The following FAM163A variants were observed in gnomAD, a reference collection of about 807,000 sequenced individuals.
FAM163A encodes the protein family with sequence similarity 163 member A.
In FAM163A, 7 loss-of-function variants were observed where a neutral mutation model predicts 12.0. That is an observed-to-expected ratio of 0.58 (90% CI 0.33 to 1.10). FAM163A has a LOEUF of 1.10. FAM163A is among the 50% of genes least tolerant of loss of function. The pLI, the probability that FAM163A is intolerant of heterozygous loss-of-function variation, is 0.03. For synonymous variants in FAM163A, 101 were observed against 91.0 expected (o/e 1.11, Z -0.62); for missense variants, 202 against 218.6 (o/e 0.92, Z 0.48).
At chr1:179,767,227 A>G (rs1687627635) in intron 1 of FAM163A, among the ~76,000 whole-genome samples, 1 of 152,146 alleles carries the variant, frequency 6.6e-6, no homozygotes, top group South Asian at 2.1e-4. Context: ...AGAAGAGGTC[A>G]CAGAGAAGGG....
At chr1:179,793,061 C>T (rs1691751589) in intron 1 of FAM163A, among the ~76,000 whole-genome samples, 1 of 151,022 alleles carries the variant, frequency 6.6e-6, no homozygotes. Flanking sequence ...AACAGAGATA[C>T]AAAATAAAAT....
chr1:179,732,618 A>G, the FAM163A span, among the ~76,000 whole-genome samples: 4 of 152,274 alleles, frequency 2.6e-5, no homozygotes, highest in Non-Finnish European at 4.4e-5. Context: ...GCGGTGGCTC[A>G]CACCTGCAAT....
upstream of FAM163A, among the ~76,000 whole-genome samples, chr1:179,738,618 T>C (rs938636935): frequency 6.6e-6 from 1 of 152,142 alleles, no homozygotes; most frequent in Non-Finnish European, 1.5e-5. Flanking sequence ...AAAAATCACA[T>C]GGCTATACAA....
chr1:179,732,995 G>A, the FAM163A span, among the ~76,000 whole-genome samples: 3 of 151,408 alleles, frequency 2.0e-5, no homozygotes, highest in Non-Finnish European at 4.4e-5. Context: ...TGTGGACAGA[G>A]ACCTGCTCAG....
At chr1:179,747,611 G>A (rs1684676493) in intron 1 of FAM163A, among the ~76,000 whole-genome samples, 1 of 152,186 alleles carries the variant, frequency 6.6e-6, no homozygotes. Context: ...ATATGTGAGA[G>A]CCCAGGCTCT....
intron 1 of FAM163A, among the ~76,000 whole-genome samples, chr1:179,780,274 T>G (rs1689534403): frequency 1.3e-5 from 2 of 152,256 alleles, no homozygotes; most frequent in South Asian, 4.1e-4. Flanking sequence ...AGGAAATTAT[T>G]TATTACTTGA....
rs763143548 is a variant in FAM163A, at chr1:179,814,042, C to T, written c.357C>T (p.Gly119=). 4 of 1,613,388 alleles carry T rather than the reference C, an allele frequency of 2.5e-6. No homozygotes were observed. The highest frequency in any genetic ancestry group is 3.4e-6 in the Non-Finnish European group (4 of 1,179,626). ...TADMVPNGGG[G]ERLSFAPTYY... ...ACATGGTGCCCAATGGGGGTGGAGG[C>T]GAGAGGCTCTCCTTTGCTCCCACAT... Residue 119 remains glycine, a synonymous_variant, in exon 5 of 5, where the codon GGC becomes GGT. Transcript: ENST00000341785.
chr1:179,735,483 A>G, the FAM163A span, among the ~76,000 whole-genome samples: 5 of 138,954 alleles, frequency 3.6e-5, no homozygotes, highest in Admixed American at 3.7e-4. Flanking sequence ...GGAACCGTAA[A>G]GGAGTTACAT....
At chr1:179,789,019 T>C (rs1691046310) in intron 1 of FAM163A, among the ~76,000 whole-genome samples, 1 of 152,238 alleles carries the variant, frequency 6.6e-6, no homozygotes, top group South Asian at 2.1e-4. Flanking sequence ...CATGCTGACA[T>C]GGAGCAGGCC....
At chr1:179,767,529 CT>C (rs1687675127) in intron 1 of FAM163A, among the ~76,000 whole-genome samples, 1 of 152,172 alleles carries the variant, frequency 6.6e-6, no homozygotes, top group South Asian at 2.1e-4. Context: ...GAGCCTTCTC[CT>C]TTTTTCCCTG....
chr1:179,733,117 A>G, the FAM163A span, among the ~76,000 whole-genome samples: 2 of 152,036 alleles, frequency 1.3e-5, no homozygotes, highest in Non-Finnish European at 1.5e-5. Flanking sequence ...TTTTAAAGCT[A>G]TCATGTATTG....
At chr1:179,753,945 T>G (rs562680760) in intron 1 of FAM163A, among the ~76,000 whole-genome samples, 94 of 152,286 alleles carry the variant, frequency 6.2e-4, no homozygotes, top group African/African-American at 2.2e-3. Flanking sequence ...TAGAAAGTGA[T>G]TAACAAAGGT....
At chr1:179,808,361 G>C (rs1305274476) in intron 2 of FAM163A, among the ~76,000 whole-genome samples, 1 of 152,240 alleles carries the variant, frequency 6.6e-6, no homozygotes, top group Non-Finnish European at 1.5e-5. Flanking sequence ...ATCAGTTTCT[G>C]TGGGTCAGGA....
chr1:179,731,340 T>C, the FAM163A span, among the ~76,000 whole-genome samples: 1 of 152,024 alleles, frequency 6.6e-6, no homozygotes, highest in African/African-American at 2.4e-5. Context: ...GAGGAAGAAG[T>C]GAAGTAGCTG....
chr1:179,797,306 A>G (rs6658638), intron 1 of FAM163A, among the ~76,000 whole-genome samples: 77,924 of 151,932 alleles, frequency 0.51, 22,981 homozygotes, highest in African/African-American at 0.82. Context: ...AAATTAGCTG[A>G]GCATGGTGGC....
At chr1:179,783,782 T>TATATAATTTATTATATATATAAA (rs1307345050) in intron 1 of FAM163A, among the ~76,000 whole-genome samples, 1 of 139,726 alleles carries the variant, frequency 7.2e-6, no homozygotes, top group African/African-American at 2.8e-5. Context: ...ATATATATAT[T>TATATAATTTATTATATATATAAA]ATATAATTTA....
At chr1:179,732,072 A>C in the FAM163A span, among the ~76,000 whole-genome samples, 1 of 152,230 alleles carries the variant, frequency 6.6e-6, no homozygotes, top group African/African-American at 2.4e-5. Flanking sequence ...TTAAATATGG[A>C]AGCTTGCCTA....
chr1:179,795,447 T>C (rs1692154004), intron 1 of FAM163A, among the ~76,000 whole-genome samples: 1 of 152,210 alleles, frequency 6.6e-6, no homozygotes, highest in Admixed American at 6.5e-5. Context: ...TTCATATTGT[T>C]ATTGTGGGAA....
At chr1:179,772,134 A>C (rs1688368563) in intron 1 of FAM163A, among the ~76,000 whole-genome samples, 1 of 152,194 alleles carries the variant, frequency 6.6e-6, no homozygotes, top group Non-Finnish European at 1.5e-5. Flanking sequence ...CTGCCCTCTA[A>C]ATAGCAACTC....
Sources: gnomAD v4.1 joint callset for allele counts (sites outside exome capture counted in the v4.1 genomes callset) on GRCh38, gnomAD v4.1.1 for gene constraint, MANE v1.5 for transcripts, NCBI Gene and HGNC (gene_info 2026-07-23, HGNC 2026-07-21) for gene names.